The following FBXL17 variants were observed in gnomAD, a reference collection of about 807,000 sequenced individuals.
The protein encoded by FBXL17 is F-box and leucine rich repeat protein 17, also known as F-box/LRR-repeat protein 17.
Under a neutral mutation model 66.2 loss-of-function variants are expected in FBXL17, and 22 were observed. The observed-to-expected ratio is 0.33, with a 90% CI of 0.24 to 0.47. The LOEUF is 0.47. Among genes scored for constraint, FBXL17 ranks in the 20% least tolerant of loss-of-function variants. The pLI, the probability that FBXL17 is intolerant of heterozygous loss-of-function variation, is 1.00. For missense variants in FBXL17, 878 were observed against 948.2 expected (o/e 0.93, Z 0.97); for synonymous variants, 474 against 400.5 (o/e 1.18, Z -2.19).
At chr5:108,057,291 G>GT (rs2112836581) in intron 6 of FBXL17, among the ~76,000 whole-genome samples, 1 of 152,200 alleles carries the variant, frequency 6.6e-6, no homozygotes, top group South Asian at 2.1e-4. Flanking sequence ...GAGCAAAACT[G>GT]TAATACCAAT....
At chr5:108,335,073 C>T (rs1476681157) in intron 4 of FBXL17, among the ~76,000 whole-genome samples, 1 of 152,050 alleles carries the variant, frequency 6.6e-6, no homozygotes, top group African/African-American at 2.4e-5. Context: ...ATATATACAA[C>T]CTTTTTCTTA....
At chr5:108,031,249 T>C (rs1158727454) in intron 6 of FBXL17, among the ~76,000 whole-genome samples, 2 of 152,276 alleles carry the variant, frequency 1.3e-5, no homozygotes, top group East Asian at 3.9e-4. Context: ...AGCCCAAATT[T>C]ATTTTAGCTG....
chr5:107,866,183 A>T (rs1468935653), intron 8 of FBXL17, among the ~76,000 whole-genome samples: 2 of 152,094 alleles, frequency 1.3e-5, no homozygotes, highest in African/African-American at 4.8e-5. Flanking sequence ...TATATGACAC[A>T]TGAGATTTAA....
At chr5:108,184,983 A>C (rs1753168972) in intron 6 of FBXL17, among the ~76,000 whole-genome samples, 1 of 152,080 alleles carries the variant, frequency 6.6e-6, no homozygotes, top group Admixed American at 6.5e-5. Context: ...AAATCTACCT[A>C]ATCAGTAGTG....
chr5:108,361,044 G>A (rs1748309817), intron 3 of FBXL17, among the ~76,000 whole-genome samples: 1 of 151,918 alleles, frequency 6.6e-6, no homozygotes, highest in African/African-American at 2.4e-5. Context: ...TTCAGATAAT[G>A]GATTTAAAAT....
intron 3 of FBXL17, among the ~76,000 whole-genome samples, chr5:108,355,259 AC>A (rs1747904101): frequency 7.3e-6 from 1 of 137,788 alleles, no homozygotes; most frequent in Non-Finnish European, 1.5e-5. Context: ...GGGATGAAAA[AC>A]TTTATTTATT....
intron 7 of FBXL17, among the ~76,000 whole-genome samples, chr5:107,891,431 G>A (rs963274607): frequency 3.9e-5 from 6 of 152,292 alleles, no homozygotes; most frequent in African/African-American, 1.4e-4. Flanking sequence ...CTTCTGGGTT[G>A]AGAACAGACT....
chr5:108,281,967 T>C (rs752741356), intron 4 of FBXL17, among the ~76,000 whole-genome samples: 2 of 151,184 alleles, frequency 1.3e-5, no homozygotes, highest in Non-Finnish European at 3.0e-5. Flanking sequence ...CAGGAAAAAA[T>C]AGAAAACCTG....
At chr5:107,915,646 T>C (rs1274573562) in intron 7 of FBXL17, among the ~76,000 whole-genome samples, 6 of 152,224 alleles carry the variant, frequency 3.9e-5, no homozygotes, top group African/African-American at 1.2e-4. Context: ...TTTTAGAAGC[T>C]GAATGTACCT....
chr5:108,298,105 T>TTTTAATTTACTATTATA (rs1758423322), intron 4 of FBXL17: 1 of 962,848 alleles, frequency 1.0e-6, no homozygotes, highest in Non-Finnish European at 1.2e-6. Context: ...TATTATACAA[T>TTTTAATTTACTATTATA]TTTAATTTAC....
chr5:108,366,984 A>C (rs1461044878), intron 2 of FBXL17, among the ~76,000 whole-genome samples: 1 of 152,106 alleles, frequency 6.6e-6, no homozygotes, highest in Admixed American at 6.6e-5. Context: ...CATAACGTGT[A>C]GCTTGACACT....
intron 6 of FBXL17, among the ~76,000 whole-genome samples, chr5:108,141,988 T>C (rs1751368420): frequency 6.6e-6 from 1 of 152,236 alleles, no homozygotes; most frequent in Non-Finnish European, 1.5e-5. Context: ...TGTGTTTTAA[T>C]TATTGGTTTA....
intron 7 of FBXL17, among the ~76,000 whole-genome samples, chr5:107,961,444 ACT>A (rs1264658201): frequency 6.6e-6 from 1 of 151,712 alleles, no homozygotes; most frequent in Non-Finnish European, 1.5e-5. Flanking sequence ...CCCAGGCTGG[ACT>A]CTAACTCCTA....
chr5:107,890,912 A>T (rs1014100991), intron 7 of FBXL17, among the ~76,000 whole-genome samples: 1 of 152,214 alleles, frequency 6.6e-6, no homozygotes, highest in African/African-American at 2.4e-5. Flanking sequence ...AGTACCCACT[A>T]TGTGTCAGGC....
At chr5:108,061,808 T>G (rs751585363) in intron 6 of FBXL17, among the ~76,000 whole-genome samples, 1 of 152,014 alleles carries the variant, frequency 6.6e-6, no homozygotes, top group Non-Finnish European at 1.5e-5. Flanking sequence ...ATTAAAACCA[T>G]GACTTTTGTT....
chr5:108,206,935 T>C (rs1561464278), intron 5 of FBXL17, among the ~76,000 whole-genome samples: 2 of 152,140 alleles, frequency 1.3e-5, no homozygotes, highest in Admixed American at 6.5e-5. Context: ...TTTTAGAAAT[T>C]ACTAAAGTGT....
intron 6 of FBXL17, among the ~76,000 whole-genome samples, chr5:108,067,220 A>G (rs2112855468): frequency 6.6e-6 from 1 of 152,254 alleles, no homozygotes; most frequent in East Asian, 1.9e-4. Context: ...AATGACCCTA[A>G]CAGTATATGG....
intron 7 of FBXL17, among the ~76,000 whole-genome samples, chr5:107,968,187 T>A (rs952558539): frequency 2.0e-5 from 3 of 151,804 alleles, no homozygotes; most frequent in Non-Finnish European, 4.4e-5. Context: ...ATCCTTGGAG[T>A]CCCTATTTTC....
At chr5:107,884,475 C>G (rs1432512154) in intron 7 of FBXL17, among the ~76,000 whole-genome samples, 1 of 152,198 alleles carries the variant, frequency 6.6e-6, no homozygotes, top group Non-Finnish European at 1.5e-5. Context: ...GAGTAGAGCC[C>G]TGCATATGGT....
Sources: allele counts gnomAD v4.1 joint callset (sites outside exome capture counted in the v4.1 genomes callset), GRCh38; gene constraint gnomAD v4.1.1; transcripts MANE v1.5; gene names NCBI Gene and HGNC (gene_info 2026-07-23, HGNC 2026-07-21).